VEPH1: variants seen among roughly 807,000 people sequenced by gnomAD.
VEPH1 encodes the protein ventricular zone expressed PH domain containing 1.
VEPH1 carries 80 observed loss-of-function variants against 85.2 expected under a neutral mutation model. The ratio of observed to expected loss-of-function variants is 0.94; its 90% CI spans 0.78 to 1.13. VEPH1 has a LOEUF of 1.13. VEPH1 is among the 50% of genes most tolerant of loss of function. The pLI is 0.00. For missense variants in VEPH1, 955 were observed against 980.5 expected, an observed-to-expected ratio of 0.97 and a Z score of 0.35; for synonymous variants, 297 against 348.0, an observed-to-expected ratio of 0.85 and a Z score of 1.63.
chr3:157,378,574 C>T (rs949893260), intron 7 of VEPH1, among the ~76,000 whole-genome samples: 2 of 151,744 alleles, frequency 1.3e-5, no homozygotes, highest in African/African-American at 2.4e-5. Context: ...GGTTAAGAAA[C>T]CCTTGTAATA....
chr3:157,325,073 A>C (rs1721749759), intron 9 of VEPH1, among the ~76,000 whole-genome samples: 2 of 152,132 alleles, frequency 1.3e-5, no homozygotes. Context: ...TTTGATGTGC[A>C]CTTCTCTAAT....
intron 9 of VEPH1, among the ~76,000 whole-genome samples, chr3:157,354,685 T>C (rs1725237510): frequency 6.6e-6 from 1 of 152,170 alleles, no homozygotes; most frequent in Non-Finnish European, 1.5e-5. Context: ...TCTTTCTATA[T>C]ATTTTTTGTT....
chr3:157,421,752 C>T (rs11919151), intron 5 of VEPH1, among the ~76,000 whole-genome samples: 31,472 of 151,908 alleles, frequency 0.21, 4,177 homozygotes, highest in South Asian at 0.51. Context: ...CACGAAGAGC[C>T]GAGGGAGGCA....
intron 4 of VEPH1, 133 bp downstream of exon 4, chr3:157,460,048 C>T (rs1164124888): frequency 6.3e-7 from 1 of 1,588,106 alleles, no homozygotes; most frequent in Non-Finnish European, 8.5e-7. Flanking sequence ...CACAGGTCAA[C>T]TGGCAGCAAA....
chr3:157,385,681 G>A (rs983889852), intron 6 of VEPH1, among the ~76,000 whole-genome samples: 13 of 152,166 alleles, frequency 8.5e-5, no homozygotes, highest in African/African-American at 2.9e-4. Flanking sequence ...AAGATTTGAA[G>A]TTAGAAAAGG....
At chr3:157,409,834 T>C (rs1256199673) in intron 6 of VEPH1, 1 of 985,376 alleles carries the variant, frequency 1.0e-6, no homozygotes, top group Non-Finnish European at 1.2e-6. Context: ...TCTACCCCCA[T>C]GGCCAAATTC....
intron 9 of VEPH1, among the ~76,000 whole-genome samples, chr3:157,340,289 C>G (rs1276807547): frequency 2.0e-5 from 3 of 152,216 alleles, no homozygotes; most frequent in Non-Finnish European, 4.4e-5. Flanking sequence ...GAAGCTGTGA[C>G]AGACGGCACC....
intron 9 of VEPH1, among the ~76,000 whole-genome samples, chr3:157,353,267 G>A (rs964346061): frequency 2.0e-5 from 3 of 151,258 alleles, no homozygotes; most frequent in Non-Finnish European, 4.4e-5. Context: ...CCCCCAATCT[G>A]ATTATTTTTC....
chr3:157,369,193 A>AAAAAAAAAAAAAAAAAAAAAAC (rs1553773125), intron 7 of VEPH1, among the ~76,000 whole-genome samples: 11 of 140,626 alleles, frequency 7.8e-5, no homozygotes, highest in East Asian at 2.2e-4. Flanking sequence ...AAAAAAAAAA[A>AAAAAAAAAAAAAAAAAAAAAAC]AAAAAAAAAA....
chr3:157,265,281 C>T (rs1020973486), intron 13 of VEPH1, among the ~76,000 whole-genome samples: 5 of 152,182 alleles, frequency 3.3e-5, no homozygotes, highest in Non-Finnish European at 7.3e-5. Flanking sequence ...GACTTGCAGT[C>T]CCTCTGCAGT....
At chr3:157,423,898 T>C (rs1040674104) in intron 5 of VEPH1, among the ~76,000 whole-genome samples, 1 of 152,132 alleles carries the variant, frequency 6.6e-6, no homozygotes, top group Non-Finnish European at 1.5e-5. Context: ...TGTTCCAGTC[T>C]TCACTTAAGC....
At chr3:157,420,164 C>T (rs73158505) in intron 5 of VEPH1, among the ~76,000 whole-genome samples, 5,657 of 150,544 alleles carry the variant, frequency 0.038, 168 homozygotes, top group South Asian at 0.12. Context: ...GAACAACACA[C>T]ACTGGGACCT....
At chr3:157,340,503 G>C (rs774870321) in intron 9 of VEPH1, among the ~76,000 whole-genome samples, 1 of 152,174 alleles carries the variant, frequency 6.6e-6, no homozygotes, top group Non-Finnish European at 1.5e-5. Context: ...GATGAGGCTT[G>C]AGTAGGTAAA....
At chr3:157,291,132 C>T (rs1320549276) in intron 11 of VEPH1, among the ~76,000 whole-genome samples, 1 of 152,176 alleles carries the variant, frequency 6.6e-6, no homozygotes, top group Non-Finnish European at 1.5e-5. Flanking sequence ...GCCTTATGTG[C>T]ACTGTGTGCC....
At chr3:157,307,156 C>T (rs7645454) in intron 11 of VEPH1, among the ~76,000 whole-genome samples, 12,808 of 151,910 alleles carry the variant, frequency 0.084, 1,653 homozygotes, top group African/African-American at 0.28. Context: ...ACTCACCCAT[C>T]TTAACAGTAA....
intron 9 of VEPH1, among the ~76,000 whole-genome samples, chr3:157,352,941 C>A (rs1577416319): frequency 6.6e-6 from 1 of 152,208 alleles, no homozygotes; most frequent in Admixed American, 6.5e-5. Context: ...AAAAAAGGGT[C>A]TCTGGAGCCT....
intron 4 of VEPH1, among the ~76,000 whole-genome samples, chr3:157,448,690 G>A (rs765188401): frequency 6.6e-6 from 1 of 152,170 alleles, no homozygotes; most frequent in Admixed American, 6.5e-5. Flanking sequence ...AGACTTATTC[G>A]GGAGCACTGG....
chr3:157,471,364 T>A (rs908782596), intron 2 of VEPH1, among the ~76,000 whole-genome samples: 9 of 152,158 alleles, frequency 5.9e-5, no homozygotes, highest in African/African-American at 2.2e-4. Flanking sequence ...ACATTGCAAA[T>A]TATTTATATA....
chr3:157,488,442 C>T (rs954317964), intron 2 of VEPH1, among the ~76,000 whole-genome samples: 4 of 152,030 alleles, frequency 2.6e-5, no homozygotes, highest in Non-Finnish European at 4.4e-5. Flanking sequence ...ATCACTCTTT[C>T]CTTGCAACAG....
Sources: allele counts gnomAD v4.1 joint callset (sites outside exome capture counted in the v4.1 genomes callset), GRCh38; gene constraint gnomAD v4.1.1; transcripts MANE v1.5; gene names NCBI Gene and HGNC (gene_info 2026-07-23, HGNC 2026-07-21).